CD38: variants seen among roughly 807,000 people sequenced by gnomAD.
CD38 encodes the protein ADP-ribosyl cyclase/cyclic ADP-ribose hydrolase 1.
CD38 carries 31 observed loss-of-function variants against 36.3 expected under a neutral mutation model. The ratio of observed to expected loss-of-function variants is 0.85; its 90% CI spans 0.64 to 1.15. CD38 has a LOEUF of 1.15. Among genes scored for constraint, CD38 ranks in the 50% most tolerant of loss-of-function variants. CD38 has a pLI of 0.00. For missense variants in CD38, 380 were observed against 371.9 expected, an observed-to-expected ratio of 1.02 and a Z score of -0.18; for synonymous variants, 131 against 135.2, an observed-to-expected ratio of 0.97 and a Z score of 0.22.
chr4:15,794,856 G>A (rs1027436812), intron 1 of CD38, among the ~76,000 whole-genome samples: 3 of 152,058 alleles, frequency 2.0e-5, no homozygotes, highest in Admixed American at 6.5e-5. Context: ...CCACAAGCAC[G>A]AACATGTTTA....
At chr4:15,780,516 TCTCACACACACA>T (rs941164227) in intron 1 of CD38, among the ~76,000 whole-genome samples, 4 of 112,380 alleles carry the variant, frequency 3.6e-5, no homozygotes, top group East Asian at 2.5e-4. Flanking sequence ...ATATTCTCTC[TCTCACACACACA>T]CACACACACA....
At chr4:15,841,874 C>T (rs922884810) in intron 7 of CD38, among the ~76,000 whole-genome samples, 3 of 122,004 alleles carry the variant, frequency 2.5e-5, no homozygotes, top group Non-Finnish European at 4.9e-5. Context: ...CGGCGCACCG[C>T]GAGACTATAT....
At chr4:15,825,130 G>C in intron 3 of CD38, 114 bp downstream of exon 3, 2 of 968,720 alleles carry the variant, frequency 2.1e-6, no homozygotes, top group Non-Finnish European at 3.1e-6. Context: ...CACCCATCCT[G>C]ATGCCATCTA....
chr4:15,793,787 T>C (rs921367047), intron 1 of CD38, among the ~76,000 whole-genome samples: 32 of 152,222 alleles, frequency 2.1e-4, no homozygotes, highest in African/African-American at 7.7e-4. Flanking sequence ...ATTCTGGATA[T>C]GTTTTGAAAG....
intron 1 of CD38, among the ~76,000 whole-genome samples, chr4:15,816,012 T>C (rs556246407): frequency 1.3e-5 from 2 of 152,328 alleles, no homozygotes; most frequent in Non-Finnish European, 2.9e-5. Flanking sequence ...TCTGCATCTA[T>C]TGAGATAATC....
intron 7 of CD38, 34 bp downstream of exon 7, chr4:15,840,572 G>C (rs767147756): frequency 8.0e-7 from 1 of 1,247,336 alleles, no homozygotes; most frequent in Admixed American, 1.8e-5. Flanking sequence ...AAAAATGACT[G>C]TCTTGTCACC....
intron 1 of CD38, among the ~76,000 whole-genome samples, chr4:15,799,236 A>G (rs995965071): frequency 1.1e-4 from 17 of 152,154 alleles, no homozygotes; most frequent in Non-Finnish European, 2.2e-4. Context: ...ATGGATAGTC[A>G]GTTGTGTAAG....
intron 1 of CD38, among the ~76,000 whole-genome samples, chr4:15,803,082 G>C (rs1723264179): frequency 6.6e-6 from 1 of 152,062 alleles, no homozygotes; most frequent in African/African-American, 2.4e-5. Context: ...TGGGGAAACT[G>C]GATATTCATA....
intron 7 of CD38, among the ~76,000 whole-genome samples, chr4:15,841,002 G>A (rs534027838): frequency 2.7e-4 from 41 of 151,864 alleles, no homozygotes; most frequent in African/African-American, 9.2e-4. Context: ...ATGACAAGGC[G>A]TCACACGGCA....
At chr4:15,790,200 C>G (rs973751631) in intron 1 of CD38, among the ~76,000 whole-genome samples, 1 of 143,656 alleles carries the variant, frequency 7.0e-6, no homozygotes, top group Non-Finnish European at 1.5e-5. Flanking sequence ...TCTCTCTCCA[C>G]GGTCTCCTTC....
chr4:15,817,255 C>T (rs1300334491), intron 2 of CD38, among the ~76,000 whole-genome samples: 1 of 152,216 alleles, frequency 6.6e-6, no homozygotes, highest in Non-Finnish European at 1.5e-5. Flanking sequence ...GCCACAGAGG[C>T]CTGGATTCTA....
rs538252781 is a variant in CD38 at position 15,790,640 on chromosome 4, G to C, written c.233+11993G>C. On this transcript the variant is annotated intron_variant, in intron 1 of 7. Transcript: ENST00000226279. ...GAGCGTCTCTGCCTGGCCCCCCATC[G>C]TCTGGGATATGAGGAGCCTCTCTGC... 8.0e-4 allele frequency among the ~76,000 whole-genome samples: 121 copies of C among 150,416 alleles called. No homozygotes were observed. The East Asian group carries it at 0.023, about 28-fold the overall frequency.
intron 1 of CD38, among the ~76,000 whole-genome samples, chr4:15,804,022 T>C (rs1339788543): frequency 6.6e-6 from 1 of 152,244 alleles, no homozygotes; most frequent in Non-Finnish European, 1.5e-5. Context: ...CCATGGTGTA[T>C]ACATACCACC....
At position 15,834,268 on chromosome 4, in the gene CD38, C is replaced by T; in HGVS notation, c.551C>T (p.Pro184Leu). The change falls in exon 4 of 8, where the codon CCT becomes CTT. Residue 184 changes from proline (P) to leucine (L), a missense_variant. Pro to Leu is a moderately conservative substitution (Grantham distance 98). Transcript: ENST00000226279. Reference sequence around the variant, plus strand: ...TGGAGAAAGGACTGCAGCAACAACCCTGTTTCAGTATTCTGGAAAACGGTT... The same window carrying T: ...TGGAGAAAGGACTGCAGCAACAACCTTGTTTCAGTATTCTGGAAAACGGTT... ...PDWRKDCSNNPVSVFWKTVSR... is the reference protein window; with the variant it reads ...PDWRKDCSNNLVSVFWKTVSR... The T allele has an allele frequency of 1.2e-6, 2 of 1,613,102 alleles. No homozygotes were observed. Among genetic ancestry groups the T allele is most frequent in the Non-Finnish European group, 1.7e-6 (2 of 1,179,000 alleles).
intron 1 of CD38, among the ~76,000 whole-genome samples, chr4:15,792,458 G>GAAAAAAAAAAAAAAA (rs1249314137): frequency 1.2e-4 from 15 of 129,160 alleles, no homozygotes; most frequent in African/African-American, 2.8e-4. Context: ...AATGAATCAA[G>GAAAAAAAAAAAAAAA]AAAAAAAAAG....
intron 1 of CD38, among the ~76,000 whole-genome samples, chr4:15,786,490 T>G (rs1722834166): frequency 6.6e-6 from 1 of 152,172 alleles, no homozygotes; most frequent in Admixed American, 6.5e-5. Context: ...CCTAGTAGAT[T>G]AGCTAGACAC....
chr4:15,837,525 T>C (rs1724095295), intron 4 of CD38, among the ~76,000 whole-genome samples: 1 of 152,196 alleles, frequency 6.6e-6, no homozygotes, highest in Non-Finnish European at 1.5e-5. Context: ...TCATTTCATT[T>C]TTCCAAAGTC....
chr4:15,849,851 TAG>T lies in CD38; in HGVS notation c.*1251_*1252del, dbSNP rs1724348400. The T allele has an allele frequency of 6.6e-6, 1 of 152,230 alleles. No homozygotes were observed. The highest frequency in any genetic ancestry group is 1.5e-5 in the Non-Finnish European group (1 of 68,038). The allele number at this position is 152,230 out of a possible 1,614,324, so 9.4% of individuals were successfully genotyped here. ...CAGCTTGTTTTCTTTTTTGTATACA[TAG>T]ATTTTAGGACGATATATTTTCCCTT... On this transcript the variant is annotated 3_prime_UTR_variant, in exon 8 of 8. Transcript: ENST00000226279.
Position 15,778,830 on chromosome 4 carries a change from C to G in CD38, c.233+183C>G, listed in dbSNP as rs6449182. On this transcript the variant is annotated intron_variant, in intron 1 of 7. Transcript: ENST00000226279. The surrounding 1 kb of genome is among the most constrained non-coding windows in gnomAD (Gnocchi z 4.9). ...CTCCGCGGGCCGCTTTCAGGAGCAG[C>G]TGGCCTTGGCACCGAGCGTGCCCGC... Among the ~76,000 whole-genome samples the G allele has an allele frequency of 0.21, 32,400 of 151,182 alleles. 3,713 individuals are homozygous for G. Among genetic ancestry groups the G allele is most frequent in the African/African-American group, 0.25 (10,340 of 41,238 alleles).
Sources: allele counts gnomAD v4.1 joint callset (sites outside exome capture counted in the v4.1 genomes callset), GRCh38; gene constraint gnomAD v4.1.1; non-coding constraint Gnocchi (gnomAD v3.1); transcripts MANE v1.5; gene names NCBI Gene and HGNC (gene_info 2026-07-23, HGNC 2026-07-21).